KALRN: variants seen among roughly 807,000 people sequenced by gnomAD.
The protein encoded by KALRN is kalirin.
A neutral mutation model predicts 353.7 loss-of-function variants in KALRN; 70 were observed. That is an observed-to-expected ratio of 0.20 (90% CI 0.16 to 0.24). KALRN has a LOEUF of 0.24. KALRN is among the 10% of genes least tolerant of loss of function. The probability of loss-of-function intolerance (pLI) is 1.00; values close to 1 mark genes in which losing one functional copy is unlikely to be tolerated. For missense variants in KALRN, 2,791 were observed against 3,756.7 expected, an observed-to-expected ratio of 0.74 and a Z score of 6.72; for synonymous variants, 1,391 against 1,434.8, an observed-to-expected ratio of 0.97 and a Z score of 0.69.
At chr3:124,129,397 C>T (rs774212645) in intron 1 of KALRN, among the ~76,000 whole-genome samples, 5 of 152,316 alleles carry the variant, frequency 3.3e-5, no homozygotes, top group South Asian at 2.1e-4. Flanking sequence ...CATAGTGACT[C>T]ATACTCCAGT....
intron 1 of KALRN, among the ~76,000 whole-genome samples, chr3:124,203,343 T>C (rs751036593): frequency 9.2e-5 from 14 of 152,274 alleles, no homozygotes; most frequent in Non-Finnish European, 2.1e-4. Context: ...CAGGTTCTAT[T>C]TGATTGTGCC....
intron 5 of KALRN, among the ~76,000 whole-genome samples, chr3:124,290,791 T>C (rs998285359): frequency 7.9e-5 from 12 of 152,194 alleles, no homozygotes; most frequent in Non-Finnish European, 1.6e-4. Flanking sequence ...ACCTGTCACA[T>C]AGTGAGCATT....
chr3:124,280,425 G>A (rs181337925), intron 5 of KALRN, among the ~76,000 whole-genome samples: 176 of 152,300 alleles, frequency 1.2e-3, no homozygotes, highest in African/African-American at 4.0e-3. Context: ...CCCATAACTT[G>A]GGGACAGTGC....
rs149268642 is a variant in KALRN, at chr3:124,329,869, G to T, written c.1293G>T (p.Ser431=). The T allele has an allele frequency of 5.0e-6, 8 of 1,613,438 alleles. No individual in the cohort carries two copies. Among genetic ancestry groups the T allele is most frequent in the Non-Finnish European group, 6.8e-6 (8 of 1,179,670 alleles). Residue 431 remains serine, a synonymous_variant, in exon 8 of 60, where the codon TCG becomes TCT. Coordinates refer to ENST00000682506, the MANE Select transcript of KALRN (RefSeq NM_001388419.1). ...CCTGCATCTCCTTCCAGTTCCTGTC[G>T]GGAGTGGATGCCTGGTGCAAGATGT... ...VFHQKAEQFL[S]GVDAWCKMCS...
chr3:124,190,362 C>G (rs908184131), intron 1 of KALRN, among the ~76,000 whole-genome samples: 15 of 152,252 alleles, frequency 9.9e-5, no homozygotes, highest in South Asian at 4.1e-4. Context: ...CCCTACCTTC[C>G]CCCTTCCCAC....
At position 124,723,774 on chromosome 3, in the gene KALRN, A is replaced by T. The variant is rs1366457254; in HGVS notation, c.*4304A>T. 1.3e-5 allele frequency: 2 copies of T among 152,224 alleles called. No individual in the cohort carries two copies. Among genetic ancestry groups the T allele is most frequent in the East Asian group, 3.8e-4 (2 of 5,204 alleles). 9.4% of individuals were successfully genotyped at this position (152,224 alleles called of 1,614,324 possible). A position where few individuals can be genotyped will look rare whatever the true frequency, so the allele number is the denominator to read the frequency against. ...TTTTCTCCAGTATTTCTTATGGCAGATGCGAAGAGTAAAATGCCCTTGAAA... is the reference window on the plus strand; with the variant it reads ...TTTTCTCCAGTATTTCTTATGGCAGTTGCGAAGAGTAAAATGCCCTTGAAA... On this transcript the variant is annotated 3_prime_UTR_variant, in exon 60 of 60. Transcript: ENST00000682506.
rs1290988100 is a variant in KALRN at position 124,468,715 on chromosome 3, A to G, written c.4032-5948A>G. 2.0e-5 allele frequency among the ~76,000 whole-genome samples: 3 copies of G among 152,366 alleles called. No homozygotes were observed. The South Asian group carries it at 6.2e-4, about 32-fold the overall frequency. ...ATCTGCCCAAACCAAAATTAGTGACACAGCCAAAGAATCCAGCTGTCATTT... is the reference window on the plus strand; with the variant it reads ...ATCTGCCCAAACCAAAATTAGTGACGCAGCCAAAGAATCCAGCTGTCATTT... On this transcript the variant is annotated intron_variant, in intron 25 of 59. Transcript: ENST00000682506.
chr3:124,584,476 G>A (rs941119929), intron 34 of KALRN, among the ~76,000 whole-genome samples: 12 of 152,332 alleles, frequency 7.9e-5, no homozygotes, highest in African/African-American at 2.9e-4. Flanking sequence ...GTACCTACCT[G>A]TTTGGTGCCA....
intron 34 of KALRN, among the ~76,000 whole-genome samples, chr3:124,587,920 C>T (rs2075377116): frequency 6.6e-6 from 1 of 151,824 alleles, no homozygotes; most frequent in African/African-American, 2.4e-5. Flanking sequence ...TCTCAAACTT[C>T]TGGGCTCAAG....
chr3:124,717,423 A>G (rs747890045), intron 59 of KALRN, 38 bp downstream of exon 59: 5 of 1,513,304 alleles, frequency 3.3e-6, no homozygotes, highest in Non-Finnish European at 4.5e-6. Context: ...GCAGTGGCTC[A>G]CGCCTGAAAT....
At chr3:124,045,100 T>G (rs1412572537) in intron 1 of KALRN, among the ~76,000 whole-genome samples, 1 of 151,844 alleles carries the variant, frequency 6.6e-6, no homozygotes, top group East Asian at 1.9e-4. Context: ...GGGGGCACAA[T>G]ATTGAGTTGG....
chr3:124,458,837 G>A (rs1363913826), intron 23 of KALRN, among the ~76,000 whole-genome samples: 1 of 152,126 alleles, frequency 6.6e-6, no homozygotes, highest in Non-Finnish European at 1.5e-5. Context: ...AGGAGGCTGA[G>A]GTATGAAAAT....
intron 22 of KALRN, among the ~76,000 whole-genome samples, chr3:124,456,389 A>T (rs957104103): frequency 6.6e-6 from 1 of 152,156 alleles, no homozygotes; most frequent in African/African-American, 2.4e-5. Flanking sequence ...ATGGATATTT[A>T]CCCTAAACAT....
intron 4 of KALRN, among the ~76,000 whole-genome samples, chr3:124,266,287 T>A (rs879377945): frequency 6.6e-6 from 1 of 152,166 alleles, no homozygotes; most frequent in Non-Finnish European, 1.5e-5. Context: ...TTAAAGTGCA[T>A]GTATGGAGAA....
At chr3:124,355,385 ACAC>A (rs1383718794) in intron 10 of KALRN, among the ~76,000 whole-genome samples, 1 of 152,232 alleles carries the variant, frequency 6.6e-6, no homozygotes, top group East Asian at 1.9e-4. Flanking sequence ...TTGACAAAAT[ACAC>A]CACAATTGTT....
intron 33 of KALRN, among the ~76,000 whole-genome samples, chr3:124,522,888 G>T (rs536715195): frequency 6.6e-6 from 1 of 152,184 alleles, no homozygotes; most frequent in African/African-American, 2.4e-5. Flanking sequence ...CTATTTTTTT[G>T]AACAGGGGTA....
rs144672210 is a variant in KALRN at position 124,356,777 on chromosome 3, C to CT, written c.1770+9516dup. On this transcript the variant is annotated intron_variant, in intron 10 of 59. Transcript: ENST00000682506. ...CTTTCTGGCTGGTCCTGATTAAACT[C>CT]TTTTCCCTTTTCCCCAGGATTTGTT... 1.2e-3 allele frequency among the ~76,000 whole-genome samples: 190 copies of CT among 152,260 alleles called. 1 individual carries two copies. The highest frequency in any genetic ancestry group is 4.6e-3 in the African/African-American group (190 of 41,542).
chr3:124,268,798 CGGA>C lies in KALRN; in HGVS notation c.517_519del (p.Glu173del). 6.2e-7 allele frequency: 1 copy of C among 1,614,090 alleles called. No homozygotes were observed. Among genetic ancestry groups the C allele is most frequent in the Non-Finnish European group, 8.5e-7 (1 of 1,180,008 alleles). On this transcript the variant is annotated inframe_deletion, in exon 5 of 60. Coordinates refer to ENST00000682506, the MANE Select transcript of KALRN (RefSeq NM_001388419.1). The stretch of plus-strand genomic sequence containing the variant: ...AAGCTGGTGGACCCCTCCCAGCTGA[CGGA>C]GGAGTTTGATGGCTCCCTGGACTAC...
At chr3:124,638,677 A>G (rs1166147343) in intron 37 of KALRN, among the ~76,000 whole-genome samples, 1 of 152,110 alleles carries the variant, frequency 6.6e-6, no homozygotes, top group Non-Finnish European at 1.5e-5. Context: ...TTCTCTGCTA[A>G]GTCTGCCTTC....
Sources: gnomAD v4.1 joint callset for allele counts (sites outside exome capture counted in the v4.1 genomes callset) on GRCh38, gnomAD v4.1.1 for gene constraint, MANE v1.5 for transcripts, NCBI Gene and HGNC (gene_info 2026-07-23, HGNC 2026-07-21) for gene names.